PDE1A: variants seen among roughly 807,000 people sequenced by gnomAD.
The protein encoded by PDE1A is dual specificity calcium/calmodulin-dependent 3',5'-cyclic nucleotide phosphodiesterase 1A.
PDE1A carries 35 observed loss-of-function variants against 61.7 expected under a neutral mutation model. The ratio of observed to expected loss-of-function variants is 0.57; its 90% CI spans 0.43 to 0.75. The LOEUF is 0.75. Ranked by LOEUF, PDE1A falls within the 30% of genes least tolerant of loss-of-function variation. The pLI is 0.00. For missense variants in PDE1A, 597 were observed against 630.6 expected (o/e 0.95, Z 0.57); for synonymous variants, 232 against 213.2 (o/e 1.09, Z -0.77).
chr2:182,344,271 T>C lies in PDE1A; in HGVS notation c.54-79857A>G, dbSNP rs868603065. Among the ~76,000 whole-genome samples, 3 of 152,298 alleles carry C rather than the reference T, an allele frequency of 2.0e-5. No homozygotes were observed. In the Middle Eastern group the frequency reaches 0.01, roughly 518 times the overall value. On this transcript the variant is annotated intron_variant, in intron 1 of 13. Transcript: ENST00000351439. ...AAATATATGAATATAGGGAATCTTATTCATATGCAATGAAATATATATAAT... is the reference window on the plus strand; with the variant it reads ...AAATATATGAATATAGGGAATCTTACTCATATGCAATGAAATATATATAAT...
At chr2:182,328,200 T>G (rs1296021376) in intron 1 of PDE1A, among the ~76,000 whole-genome samples, 1 of 152,188 alleles carries the variant, frequency 6.6e-6, no homozygotes, top group East Asian at 1.9e-4. Flanking sequence ...TTTAAGCCTG[T>G]AGCAGTAGGA....
chr2:182,403,497 G>A (rs1440989042), intron 1 of PDE1A, among the ~76,000 whole-genome samples: 2 of 151,610 alleles, frequency 1.3e-5, no homozygotes, highest in Admixed American at 6.6e-5. Context: ...TACTCGGGAG[G>A]CTGAGGCAGG....
the PDE1A span, among the ~76,000 whole-genome samples, chr2:182,551,992 G>T: frequency 6.6e-6 from 1 of 152,160 alleles, no homozygotes; most frequent in South Asian, 2.1e-4. Flanking sequence ...AGTCACAGGG[G>T]TGTGTGGTCT....
At chr2:182,447,130 C>CACAT (rs1685192570) in intron 2 of PDE1A, among the ~76,000 whole-genome samples, 1 of 151,528 alleles carries the variant, frequency 6.6e-6, no homozygotes, top group African/African-American at 2.4e-5. Context: ...CACACACACA[C>CACAT]ACACACACAC....
At chr2:182,140,388 T>G (rs1690176683) in exon 15 of PDE1A, 1 of 152,214 alleles carries the variant, frequency 6.6e-6, no homozygotes, top group South Asian at 2.1e-4. Context: ...TCATATCAAT[T>G]TTTAAGTTGG....
rs1014795291 is a variant in PDE1A at position 182,155,027 on chromosome 2, C to T, written c.1517-7875G>A. Among the ~76,000 whole-genome samples, 8 of 125,406 alleles carry T rather than the reference C, an allele frequency of 6.4e-5. No homozygotes were observed. In the East Asian group the frequency reaches 1.9e-3, roughly 29 times the overall value. The allele number at this position is 125,406 out of a possible 152,430, so 82.3% of individuals were successfully genotyped here. A position where few individuals can be genotyped will look rare whatever the true frequency, so the allele number is the denominator to read the frequency against. On this transcript the variant is annotated intron_variant, in intron 13 of 13. Transcript: ENST00000409365. ...CTCACCTATAATTTTTCATTGTTCT[C>T]TTTTTTTTTTAATGGGCCCAAACAT...
At chr2:182,563,027 T>C in the PDE1A span, among the ~76,000 whole-genome samples, 1 of 152,246 alleles carries the variant, frequency 6.6e-6, no homozygotes, top group Non-Finnish European at 1.5e-5. Flanking sequence ...CATTAATTTT[T>C]TGAAGGGTTT....
intron 1 of PDE1A, among the ~76,000 whole-genome samples, chr2:182,341,149 C>A (rs1255853514): frequency 6.6e-6 from 1 of 152,052 alleles, no homozygotes; most frequent in East Asian, 1.9e-4. Flanking sequence ...ACTTTCAATC[C>A]CAATTCTCAC....
chr2:182,633,616 T>A, the PDE1A span, among the ~76,000 whole-genome samples: 1 of 152,316 alleles, frequency 6.6e-6, no homozygotes, highest in African/African-American at 2.4e-5. Flanking sequence ...TCATGTGACT[T>A]CTGGACCCAC....
chr2:182,348,698 T>C (rs1025216506), intron 1 of PDE1A, among the ~76,000 whole-genome samples: 2 of 151,912 alleles, frequency 1.3e-5, no homozygotes, highest in African/African-American at 4.8e-5. Flanking sequence ...TAGTTCTTAG[T>C]TCATCTTAGC....
exon 13 of PDE1A, chr2:182,185,949 T>G: frequency 6.2e-7 from 1 of 1,614,108 alleles, no homozygotes; most frequent in South Asian, 1.1e-5. Context: ...TCCACCAGGT[T>G]GTTCTTGAAA....
At chr2:182,636,002 C>T in the PDE1A span, among the ~76,000 whole-genome samples, 1 of 137,008 alleles carries the variant, frequency 7.3e-6, no homozygotes, top group Non-Finnish European at 1.5e-5. Context: ...TTTGCCCAGG[C>T]CGGACTGCAG....
intron 1 of PDE1A, among the ~76,000 whole-genome samples, chr2:182,291,870 T>C (rs1466803311): frequency 6.6e-6 from 1 of 152,156 alleles, no homozygotes; most frequent in African/African-American, 2.4e-5. Context: ...AAAATTTTGT[T>C]TAATAATATT....
At chr2:182,162,519 G>C (rs1691437264) in intron 13 of PDE1A, among the ~76,000 whole-genome samples, 2 of 152,154 alleles carry the variant, frequency 1.3e-5, no homozygotes, top group African/African-American at 4.8e-5. Flanking sequence ...TTCTAGACTT[G>C]AGCCAGTTTA....
At chr2:182,148,734 A>T (rs1033167051) in intron 13 of PDE1A, among the ~76,000 whole-genome samples, 1 of 152,198 alleles carries the variant, frequency 6.6e-6, no homozygotes, top group Non-Finnish European at 1.5e-5. Flanking sequence ...CTCACCTGCC[A>T]CCATTTAACT....
chr2:182,622,757 A>G, the PDE1A span, among the ~76,000 whole-genome samples: 1 of 152,156 alleles, frequency 6.6e-6, no homozygotes, highest in Non-Finnish European at 1.5e-5. Flanking sequence ...TGCCCCAGAA[A>G]TTAGGGACTC....
At chr2:182,627,139 A>T in the PDE1A span, among the ~76,000 whole-genome samples, 6 of 74,014 alleles carry the variant, frequency 8.1e-5, no homozygotes, top group Admixed American at 2.6e-4. Flanking sequence ...TATATAAAAT[A>T]TAAATATTAT....
chr2:182,315,620 A>G (rs1294068718), intron 1 of PDE1A, among the ~76,000 whole-genome samples: 1 of 152,148 alleles, frequency 6.6e-6, no homozygotes, highest in Non-Finnish European at 1.5e-5. Flanking sequence ...GTCTCAGCTA[A>G]TGGTCCCCAT....
chr2:182,666,387 GT>G, the PDE1A span, among the ~76,000 whole-genome samples: 2 of 152,138 alleles, frequency 1.3e-5, no homozygotes, highest in Non-Finnish European at 2.9e-5. Context: ...GGAGGCCAAG[GT>G]GGGTGGATTA....
Sources: allele counts gnomAD v4.1 joint callset (sites outside exome capture counted in the v4.1 genomes callset), GRCh38; gene constraint gnomAD v4.1.1; transcripts MANE v1.5; gene names NCBI Gene and HGNC (gene_info 2026-07-23, HGNC 2026-07-21).